Variants in GRID2 observed in about 807,000 individuals in gnomAD.
GRID2 encodes the protein glutamate ionotropic receptor delta type subunit 2.
In GRID2, 33 loss-of-function variants were observed where a neutral mutation model predicts 114.8. The ratio of observed to expected loss-of-function variants is 0.29; its 90% CI spans 0.22 to 0.38. The LOEUF is 0.38. Among genes scored for constraint, GRID2 ranks in the 10% least tolerant of loss-of-function variants. The pLI is 1.00. For missense variants in GRID2, 1,184 were observed against 1,257.7 expected, an observed-to-expected ratio of 0.94 and a Z score of 0.89; for synonymous variants, 505 against 449.9, an observed-to-expected ratio of 1.12 and a Z score of -1.55.
In GRID2 at chr4:92,806,166, GACACACACACACAC is replaced by G. The variant is rs56070810; in HGVS notation, c.244+215913_244+215926del. ...CAAATCTATTAGAAAATAGGCTATCGACACACACACACACACACACACACACACACACACACACA... is the reference window on the plus strand; with the variant it reads ...CAAATCTATTAGAAAATAGGCTATCGACACACACACACACACACACACACA... On this transcript the variant is annotated intron_variant, in intron 2 of 15. Coordinates refer to ENST00000282020, the MANE Select transcript of GRID2 (RefSeq NM_001510.4). Among the ~76,000 whole-genome samples, 39 of 133,332 alleles carry G rather than the reference GACACACACACACAC, an allele frequency of 2.9e-4. 1 individual carries two copies. The highest frequency in any genetic ancestry group is 1.3e-3 in the South Asian group (5 of 3,844). The allele number at this position is 133,332 out of a possible 152,430, so 87.5% of individuals were successfully genotyped here. A position where few individuals can be genotyped will look rare whatever the true frequency, so the allele number is the denominator to read the frequency against.
chr4:92,536,662 C>T (rs979825350), intron 1 of GRID2, among the ~76,000 whole-genome samples: 1 of 152,104 alleles, frequency 6.6e-6, no homozygotes, highest in Non-Finnish European at 1.5e-5. Context: ...TCTTCAAAAT[C>T]TTGCTATTTT....
At chr4:93,069,722 A>G (rs1728645844) in intron 2 of GRID2, among the ~76,000 whole-genome samples, 1 of 152,116 alleles carries the variant, frequency 6.6e-6, no homozygotes, top group Non-Finnish European at 1.5e-5. Context: ...CCTGAAAACC[A>G]TCTTGTCGGT....
At chr4:93,631,263 A>G (rs1720830767) in intron 14 of GRID2, among the ~76,000 whole-genome samples, 1 of 152,060 alleles carries the variant, frequency 6.6e-6, no homozygotes, top group Non-Finnish European at 1.5e-5. Context: ...CATGTGCACA[A>G]CGTGCAGGTT....
chr4:93,537,209 A>G (rs893510787), intron 13 of GRID2, among the ~76,000 whole-genome samples: 2 of 151,748 alleles, frequency 1.3e-5, no homozygotes, highest in Non-Finnish European at 3.0e-5. Context: ...TACTAATGGC[A>G]ACATTTCATT....
chr4:92,936,715 G>A (rs1237338196), intron 2 of GRID2, among the ~76,000 whole-genome samples: 1 of 145,878 alleles, frequency 6.9e-6, no homozygotes, highest in Admixed American at 7.5e-5. Flanking sequence ...GAGATTTTTG[G>A]AAGTTTGCCT....
At chr4:93,458,433 T>A (rs1198194542) in intron 11 of GRID2, among the ~76,000 whole-genome samples, 1 of 152,162 alleles carries the variant, frequency 6.6e-6, no homozygotes, top group East Asian at 1.9e-4. Flanking sequence ...GCCTCAGCTT[T>A]TTCTCCATTT....
intron 8 of GRID2, among the ~76,000 whole-genome samples, chr4:93,330,344 C>T (rs1358849989): frequency 2.6e-5 from 4 of 152,152 alleles, no homozygotes; most frequent in Non-Finnish European, 5.9e-5. Context: ...GAGACTCCAT[C>T]TCTGCTTCAG....
intron 2 of GRID2, among the ~76,000 whole-genome samples, chr4:92,800,149 A>G (rs112451114): frequency 0.025 from 3,797 of 152,034 alleles, 99 homozygotes; most frequent in East Asian, 0.12. Flanking sequence ...ATAATCAGCA[A>G]TTTATTTAAC....
chr4:93,299,562 A>T, intron 8 of GRID2, among the ~76,000 whole-genome samples: 1 of 64,160 alleles, frequency 1.6e-5, no homozygotes, highest in South Asian at 6.1e-4. Flanking sequence ...GGGTGGGGGG[A>T]GGGGGGAGGG....
intron 1 of GRID2, among the ~76,000 whole-genome samples, chr4:92,431,618 T>C (rs1038399471): frequency 6.6e-6 from 1 of 151,578 alleles, no homozygotes; most frequent in African/African-American, 2.4e-5. Flanking sequence ...CCTTCAAACA[T>C]GAATAAGAAA....
chr4:92,370,025 T>G (rs1360967610), intron 1 of GRID2, among the ~76,000 whole-genome samples: 1 of 152,182 alleles, frequency 6.6e-6, no homozygotes, highest in Non-Finnish European at 1.5e-5. Flanking sequence ...TTTTTCAAAT[T>G]GAAAGTTTGT....
rs184778674 is a variant in GRID2 at position 92,719,404 on chromosome 4, G to A, written c.244+129118G>A. The stretch of plus-strand genomic sequence containing the variant: ...ATTTATCTCTAATGGTTCCTTGTAC[G>A]GTGATTTTCTTGTAAATATTAAATG... On this transcript the variant is annotated intron_variant, in intron 2 of 15. Transcript: ENST00000282020. 5.9e-4 allele frequency among the ~76,000 whole-genome samples: 89 copies of A among 152,118 alleles called. 1 individual carries two copies. The East Asian group carries it at 0.013, about 21-fold the overall frequency.
At chr4:92,918,668 T>C (rs1450572655) in intron 2 of GRID2, among the ~76,000 whole-genome samples, 1 of 152,232 alleles carries the variant, frequency 6.6e-6, no homozygotes, top group Non-Finnish European at 1.5e-5. Flanking sequence ...GATTTGTGTA[T>C]ATTGAACCAG....
chr4:93,309,128 A>G (rs1489895864), intron 8 of GRID2, among the ~76,000 whole-genome samples: 2 of 152,202 alleles, frequency 1.3e-5, no homozygotes, highest in Admixed American at 6.5e-5. Flanking sequence ...TGAATCTCAC[A>G]TCAGACTGCA....
chr4:92,717,110 G>C (rs766082937), intron 2 of GRID2, among the ~76,000 whole-genome samples: 3 of 152,142 alleles, frequency 2.0e-5, no homozygotes, highest in Non-Finnish European at 2.9e-5. Flanking sequence ...TGAATGCATG[G>C]CAATGTGAAT....
intron 2 of GRID2, among the ~76,000 whole-genome samples, chr4:92,808,004 T>TG (rs1308844204): frequency 2.0e-5 from 3 of 152,086 alleles, no homozygotes; most frequent in Admixed American, 6.6e-5. Context: ...GATTTTGAAA[T>TG]GGGGAGATTT....
intron 1 of GRID2, among the ~76,000 whole-genome samples, chr4:92,566,830 T>C (rs1727361687): frequency 1.3e-5 from 2 of 152,102 alleles, no homozygotes; most frequent in African/African-American, 4.8e-5. Context: ...ATGACTAGTA[T>C]GTGAAATGCT....
chr4:93,369,897 CA>C (rs1420132836), intron 8 of GRID2, among the ~76,000 whole-genome samples: 1 of 152,150 alleles, frequency 6.6e-6, no homozygotes, highest in Non-Finnish European at 1.5e-5. Flanking sequence ...AGCTGTTTTC[CA>C]CTTTAGGAAA....
chr4:92,728,537 TAA>T (rs998862968), intron 2 of GRID2, among the ~76,000 whole-genome samples: 3 of 151,936 alleles, frequency 2.0e-5, no homozygotes, highest in African/African-American at 7.3e-5. Context: ...ATAAGGAATA[TAA>T]AAGAGAATGA....
Sources: allele counts gnomAD v4.1 joint callset (sites outside exome capture counted in the v4.1 genomes callset), GRCh38; gene constraint gnomAD v4.1.1; transcripts MANE v1.5; gene names NCBI Gene and HGNC (gene_info 2026-07-23, HGNC 2026-07-21).